The following NRCAM variants were observed in gnomAD, a reference collection of about 807,000 sequenced individuals.
NRCAM encodes NgCAM-related cell adhesion molecule.
Under a neutral mutation model 156.5 loss-of-function variants are expected in NRCAM, and 83 were observed. The ratio of observed to expected loss-of-function variants is 0.53; its 90% CI spans 0.44 to 0.64. NRCAM has a LOEUF of 0.64. NRCAM is among the 30% of genes least tolerant of loss of function. NRCAM has a pLI of 0.00. For missense variants in NRCAM, 1,417 were observed against 1,597.3 expected, an observed-to-expected ratio of 0.89 and a Z score of 1.92; for synonymous variants, 538 against 563.9, an observed-to-expected ratio of 0.95 and a Z score of 0.65.
chr7:108,366,435 T>C (rs1477969874), intron 2 of NRCAM, among the ~76,000 whole-genome samples: 4 of 152,210 alleles, frequency 2.6e-5, no homozygotes, highest in Non-Finnish European at 5.9e-5. Context: ...AAAGGTTAGA[T>C]ATGAAGATAT....
At chr7:108,398,564 C>T (rs1309490830) in intron 2 of NRCAM, among the ~76,000 whole-genome samples, 1 of 152,164 alleles carries the variant, frequency 6.6e-6, no homozygotes, top group Non-Finnish European at 1.5e-5. Context: ...CTTACTTTCT[C>T]ACATGGATTT....
chr7:108,414,051 C>G (rs550002111), intron 1 of NRCAM, among the ~76,000 whole-genome samples: 1 of 152,326 alleles, frequency 6.6e-6, no homozygotes, highest in East Asian at 1.9e-4. Context: ...ACGAAGCACC[C>G]TGCTGTGGGG....
chr7:108,456,039 G>A (rs972953796), intron 1 of NRCAM, among the ~76,000 whole-genome samples: 7 of 151,994 alleles, frequency 4.6e-5, no homozygotes, highest in Non-Finnish European at 8.8e-5. Flanking sequence ...GGCGCCCGCG[G>A]GAGTGTCGGG....
chr7:108,249,043 A>T (rs1177226796), intron 3 of NRCAM, among the ~76,000 whole-genome samples: 2 of 152,108 alleles, frequency 1.3e-5, no homozygotes, highest in East Asian at 3.8e-4. Context: ...TGCATCTATG[A>T]ATCATTCTTT....
intron 1 of NRCAM, among the ~76,000 whole-genome samples, chr7:108,400,800 T>G (rs1323625529): frequency 6.6e-6 from 1 of 152,082 alleles, no homozygotes; most frequent in Non-Finnish European, 1.5e-5. Context: ...GGGTCAGGTC[T>G]TCTAGGGAGG....
chr7:108,269,190 C>T (rs2097242871), intron 3 of NRCAM, among the ~76,000 whole-genome samples: 1 of 150,270 alleles, frequency 6.7e-6, no homozygotes, highest in South Asian at 2.1e-4. Flanking sequence ...AAAAAAGAAA[C>T]TCAACAGTAA....
At chr7:108,158,162 C>T (rs991064976) in intron 32 of NRCAM, among the ~76,000 whole-genome samples, 2 of 152,052 alleles carry the variant, frequency 1.3e-5, no homozygotes, top group African/African-American at 4.8e-5. Context: ...TGGGTGTGGA[C>T]GCTGCATGAG....
chr7:108,261,270 A>C (rs888318299), intron 3 of NRCAM, among the ~76,000 whole-genome samples: 3 of 152,206 alleles, frequency 2.0e-5, no homozygotes, highest in African/African-American at 2.4e-5. Flanking sequence ...CCTAAGGATC[A>C]ATAAACTCAA....
intron 13 of NRCAM, 90 bp downstream of exon 13, chr7:108,207,438 G>T (rs2081758469): frequency 1.5e-6 from 2 of 1,366,104 alleles, no homozygotes; most frequent in Non-Finnish European, 1.0e-6. Context: ...TCCTTAACCT[G>T]AGTTATTTTT....
At chr7:108,437,299 G>C (rs1833390065) in intron 1 of NRCAM, among the ~76,000 whole-genome samples, 1 of 152,148 alleles carries the variant, frequency 6.6e-6, no homozygotes, top group South Asian at 2.1e-4. Flanking sequence ...GAAATGGGTA[G>C]GGGAGAGGTG....
chr7:108,416,386 GA>G (rs1801613670), intron 1 of NRCAM, among the ~76,000 whole-genome samples: 1 of 152,130 alleles, frequency 6.6e-6, no homozygotes, highest in East Asian at 1.9e-4. Flanking sequence ...CCTCACGGGG[GA>G]AAAGAGGAAA....
intron 1 of NRCAM, among the ~76,000 whole-genome samples, chr7:108,429,346 C>T (rs1055830486): frequency 4.6e-5 from 7 of 152,168 alleles, no homozygotes; most frequent in Non-Finnish European, 1.0e-4. Context: ...TGCCCGCCAC[C>T]ACGCCTGGCT....
At chr7:108,241,471 T>C (rs747620697) in intron 3 of NRCAM, among the ~76,000 whole-genome samples, 8 of 152,216 alleles carry the variant, frequency 5.3e-5, no homozygotes, top group Non-Finnish European at 1.2e-4. Context: ...GATGTTATTA[T>C]TATAAACTGC....
At chr7:108,254,269 AC>A (rs1366413699) in intron 3 of NRCAM, among the ~76,000 whole-genome samples, 3 of 152,242 alleles carry the variant, frequency 2.0e-5, no homozygotes, top group Admixed American at 1.3e-4. Flanking sequence ...AACTAAGAAG[AC>A]AAAACAAGTC....
Position 108,213,797 on chromosome 7 carries a change from T to C in NRCAM, c.891-4192A>G, listed in dbSNP as rs936346090. ...AATTACTAATAGTCCTGAGAGTTTT[T>C]AGCATGAAGGGCTGTTGAATTTTGT... On this transcript the variant is annotated intron_variant, in intron 11 of 32. Coordinates refer to ENST00000379028, the MANE Select transcript of NRCAM (RefSeq NM_001037132.4). Among the ~76,000 whole-genome samples, 9 of 152,214 alleles carry C rather than the reference T, an allele frequency of 5.9e-5. No individual in the cohort carries two copies. In the South Asian group the frequency reaches 8.3e-4, roughly 14 times the overall value.
rs1374433372 is a variant in NRCAM, at chr7:108,182,689, A to T, written c.2530+6T>A. ...CTGGGGAAAAGTAGGAAATGGCATC[A>T]CTTACGGTCTTCTCCAGAATGTCCC... On this transcript the variant is annotated splice_donor_region_variant and intron_variant, in intron 23 of 32. Transcript: ENST00000379028. 6.2e-7 allele frequency: 1 copy of T among 1,612,112 alleles called. No homozygotes were observed.
chr7:108,153,127 C>G (rs998369219), intron 32 of NRCAM, among the ~76,000 whole-genome samples: 8 of 151,992 alleles, frequency 5.3e-5, no homozygotes, highest in African/African-American at 1.9e-4. Context: ...TATCCAAAAC[C>G]AATAAGAATG....
chr7:108,253,915 CA>C (rs1330998748), intron 3 of NRCAM, among the ~76,000 whole-genome samples: 7 of 152,188 alleles, frequency 4.6e-5, no homozygotes, highest in African/African-American at 1.4e-4. Context: ...ACAATATACT[CA>C]GCCTCCTGCT....
chr7:108,285,604 C>G (rs1364394834), intron 3 of NRCAM, among the ~76,000 whole-genome samples: 1 of 152,178 alleles, frequency 6.6e-6, no homozygotes, highest in African/African-American at 2.4e-5. Context: ...TTCAGTGAAA[C>G]CTTACTAGAC....
Sources: allele counts gnomAD v4.1 joint callset (sites outside exome capture counted in the v4.1 genomes callset), GRCh38; gene constraint gnomAD v4.1.1; transcripts MANE v1.5; gene names NCBI Gene and HGNC (gene_info 2026-07-23, HGNC 2026-07-21).